DHTKD1: variants seen among roughly 807,000 people sequenced by gnomAD.
The protein encoded by DHTKD1 is 2-oxoadipate dehydrogenase complex component E1.
In DHTKD1, 78 loss-of-function variants were observed where a neutral mutation model predicts 101.8. The observed-to-expected ratio is 0.77, with a 90% CI of 0.64 to 0.93. DHTKD1 has a LOEUF of 0.93. Among genes scored for constraint, DHTKD1 ranks in the 40% least tolerant of loss-of-function variants. The pLI is 0.00. For synonymous variants in DHTKD1, 462 were observed against 450.3 expected (o/e 1.03, Z -0.33); for missense variants, 1,223 against 1,161.7 (o/e 1.05, Z -0.77).
chr10:12,118,988 A>G lies in DHTKD1; in HGVS notation c.2572+70A>G, dbSNP rs1833470549. ...AACCCATTTCAGCTCTTTTAAATGA[A>G]AAGATGTGGTGGGGGTTATTAGAAA... On this transcript the variant is annotated intron_variant, in intron 15 of 16. Coordinates refer to ENST00000263035, the MANE Select transcript of DHTKD1 (RefSeq NM_018706.7). 4.3e-6 allele frequency: 6 copies of G among 1,392,386 alleles called. No homozygotes were observed. The South Asian group carries it at 7.9e-5, about 18-fold the overall frequency. 86.3% of individuals were successfully genotyped at this position (1,392,386 alleles called of 1,614,324 possible). A position where few individuals can be genotyped will look rare whatever the true frequency, so the allele number is the denominator to read the frequency against.
intron 5 of DHTKD1, 116 bp downstream of exon 5, chr10:12,089,371 G>A: frequency 9.9e-7 from 1 of 1,012,436 alleles, no homozygotes; most frequent in Non-Finnish European, 1.4e-6. Flanking sequence ...ATGACCTTTT[G>A]GAAAAAGATT....
In DHTKD1 at chr10:12,113,027, T is replaced by G; in HGVS notation, c.2282T>G (p.Leu761Arg). The G allele has an allele frequency of 6.2e-7, 1 of 1,613,424 alleles. No homozygotes were observed. The highest frequency in any genetic ancestry group is 8.5e-7 in the Non-Finnish European group (1 of 1,179,710). The change falls in exon 13 of 17, where the codon CTC (leucine) becomes CGC (arginine). Residue 761 changes from leucine (L) to arginine (R), a missense_variant. Transcript: ENST00000263035. ...RQMVRNFRKP[L>R]IVASPKMLLR... The stretch of plus-strand genomic sequence containing the variant: ...ATGGTCCGGAACTTCAGAAAACCAC[T>G]CATTGTTGCTTCCCCTAAGATGTTA...
At position 12,101,169 on chromosome 10, in the gene DHTKD1, G is replaced by A. The variant is rs535103210; in HGVS notation, c.1884G>A (p.Lys628=). 6.2e-7 allele frequency: 1 copy of A among 1,613,102 alleles called. No homozygotes were observed. Among genetic ancestry groups the A allele is most frequent in the Non-Finnish European group, 8.5e-7 (1 of 1,179,770 alleles). The change falls in exon 10 of 17, where the codon AAG becomes AAA. Residue 628 remains lysine, a synonymous_variant. Coordinates refer to ENST00000263035, the MANE Select transcript of DHTKD1 (RefSeq NM_018706.7). ...IPLNHMDPNQ[K]GFLEVSNSPL... is the part of the protein sequence containing the mutation. Reference sequence around the variant, plus strand: ...TGAACCATATGGACCCAAATCAGAAGGGGTTTCTAGAGGTGAGATGTTTCT... The same window carrying A: ...TGAACCATATGGACCCAAATCAGAAAGGGTTTCTAGAGGTGAGATGTTTCT...
chr10:12,118,578 T>C (rs528201504), intron 14 of DHTKD1, among the ~76,000 whole-genome samples, 171 bp from the exon 15 acceptor site: 2 of 151,870 alleles, frequency 1.3e-5, no homozygotes, highest in Non-Finnish European at 2.9e-5. Flanking sequence ...GAGACAGGGT[T>C]TCACCGTGTT....
intron 12 of DHTKD1, 27 bp downstream of exon 12, chr10:12,108,042 T>C (rs1307003018): frequency 1.3e-6 from 2 of 1,558,174 alleles, no homozygotes; most frequent in Admixed American, 1.7e-5. Context: ...CCGGAGTCAA[T>C]GAATCATTTT....
At chr10:12,100,117 A>G in intron 8 of DHTKD1, 61 bp from the exon 9 acceptor site, 1 of 1,002,998 alleles carries the variant, frequency 1.0e-6, no homozygotes, top group South Asian at 1.5e-5. Context: ...TTTTGTACTC[A>G]TTGTGAAAAA....
chr10:12,100,287 G>GTTTTTTCTTTTTTTTTTTTTTTTT, intron 9 of DHTKD1, 25 bp downstream of exon 9: 1 of 269,862 alleles, frequency 3.7e-6, no homozygotes, highest in Non-Finnish European at 6.1e-6. Flanking sequence ...TTTTTTTTCT[G>GTTTTTTCTTTTTTTTTTTTTTTTT]TTTTTTTTTT....
Position 12,097,844 on chromosome 10 carries a change from G to C in DHTKD1, c.1519G>C (p.Ala507Pro). ...CAGGCCCCCTGCCCTGAACCTGCAG[G>C]CCCACTGGCAGGGCCTGGCTCAGCC... ...HYRPPALNLQ[A>P]HWQGLAQPEA... Residue 507 changes from alanine (A) to proline (P), a missense_variant, in exon 8 of 17, where the codon GCC (alanine) becomes CCC (proline). By Grantham distance (27) the Ala-to-Pro change is conservative. Transcript: ENST00000263035. 1 of 1,614,204 alleles carries C rather than the reference G, an allele frequency of 6.2e-7. No individual in the cohort carries two copies. Among genetic ancestry groups the C allele is most frequent in the East Asian group, 2.2e-5 (1 of 44,884 alleles).
intron 13 of DHTKD1, among the ~76,000 whole-genome samples, chr10:12,116,654 G>T (rs1041643111): frequency 2.0e-5 from 3 of 151,198 alleles, no homozygotes; most frequent in Admixed American, 6.6e-5. Flanking sequence ...GCCTCCCAAA[G>T]TGCTGGGATT....
In DHTKD1 at chr10:12,087,479, C is replaced by A; in HGVS notation, c.523-56C>A. ...CAACACACACAGACTTATCTGCCTTCCACTGGAGAAGCTGGCTGTCTCCTG... is the reference window on the plus strand; with the variant it reads ...CAACACACACAGACTTATCTGCCTTACACTGGAGAAGCTGGCTGTCTCCTG... On this transcript the variant is annotated intron_variant, in intron 3 of 16. Coordinates refer to ENST00000263035, the MANE Select transcript of DHTKD1 (RefSeq NM_018706.7). The surrounding 1 kb of genome is among the most constrained non-coding windows in gnomAD (Gnocchi z 5.2). The A allele has an allele frequency of 6.7e-7, 1 of 1,487,290 alleles. No individual in the cohort carries two copies. The highest frequency in any genetic ancestry group is 9.1e-7 in the Non-Finnish European group (1 of 1,096,020). The allele number at this position is 1,487,290 out of a possible 1,614,324, so 92.1% of individuals were successfully genotyped here. A position where few individuals can be genotyped will look rare whatever the true frequency, so the allele number is the denominator to read the frequency against.
At chr10:12,085,826 G>A (rs1415619253) in intron 3 of DHTKD1, among the ~76,000 whole-genome samples, 1 of 151,948 alleles carries the variant, frequency 6.6e-6, no homozygotes, top group Non-Finnish European at 1.5e-5. Context: ...GGCGGAGGTT[G>A]CAGCGAGCCG....
At chr10:12,074,134 A>G (rs764198512) in intron 1 of DHTKD1, among the ~76,000 whole-genome samples, 2 of 152,170 alleles carry the variant, frequency 1.3e-5, no homozygotes, top group Non-Finnish European at 2.9e-5. Context: ...TTTCTCTTAC[A>G]GTAATTCTTT....
At chr10:12,082,634 G>A (rs1159209619) in intron 2 of DHTKD1, among the ~76,000 whole-genome samples, 3 of 146,596 alleles carry the variant, frequency 2.0e-5, no homozygotes, top group African/African-American at 5.0e-5. Context: ...TTTTTGAGAC[G>A]GGCCTCCAAA....
At chr10:12,072,138 TC>T (rs1832659618) in intron 1 of DHTKD1, among the ~76,000 whole-genome samples, 1 of 152,130 alleles carries the variant, frequency 6.6e-6, no homozygotes, top group South Asian at 2.1e-4. Context: ...GATGACCACA[TC>T]ATTCACTAAG....
chr10:12,098,387 T>G (rs1005429424), intron 8 of DHTKD1, among the ~76,000 whole-genome samples: 3 of 152,160 alleles, frequency 2.0e-5, no homozygotes, highest in African/African-American at 7.2e-5. Flanking sequence ...CCCCTAAACA[T>G]GCTCATGTTT....
Position 12,121,028 on chromosome 10 carries a change from T to A in DHTKD1, c.*140T>A. The stretch of plus-strand genomic sequence containing the variant: ...TGAGGTCAGGAGTTCGAGACCAGCC[T>A]GGCCAACACGGTGAAACCCCGCCTC... On this transcript the variant is annotated 3_prime_UTR_variant, in exon 17 of 17. Coordinates refer to ENST00000263035, the MANE Select transcript of DHTKD1 (RefSeq NM_018706.7). 1.6e-6 allele frequency: 1 copy of A among 625,642 alleles called. No homozygotes were observed. The highest frequency in any genetic ancestry group is 2.8e-6 in the Non-Finnish European group (1 of 362,672). The allele number at this position is 625,642 out of a possible 1,614,324, so 38.8% of individuals were successfully genotyped here. A position where few individuals can be genotyped will look rare whatever the true frequency, so the allele number is the denominator to read the frequency against.
intron 12 of DHTKD1, among the ~76,000 whole-genome samples, chr10:12,112,611 A>AT (rs1180985216): frequency 5.9e-5 from 9 of 151,906 alleles, no homozygotes; most frequent in East Asian, 1.9e-4. Context: ...CAGAATATGT[A>AT]TTTTTTTTAA....
intron 3 of DHTKD1, among the ~76,000 whole-genome samples, chr10:12,086,221 C>CTT (rs1246673651): frequency 1.0e-4 from 8 of 78,060 alleles, no homozygotes; most frequent in African/African-American, 2.9e-4. Flanking sequence ...CTTTTGTTTT[C>CTT]TTTTCTTTTT....
intron 12 of DHTKD1, among the ~76,000 whole-genome samples, chr10:12,109,257 A>T (rs1471549325): frequency 6.6e-6 from 1 of 152,138 alleles, no homozygotes; most frequent in African/African-American, 2.4e-5. Context: ...GCTAAAATGT[A>T]TAAACAGATG....
Sources: allele counts gnomAD v4.1 joint callset (sites outside exome capture counted in the v4.1 genomes callset), GRCh38; gene constraint gnomAD v4.1.1; non-coding constraint Gnocchi (gnomAD v3.1); transcripts MANE v1.5; gene names NCBI Gene and HGNC (gene_info 2026-07-23, HGNC 2026-07-21).